ITCH: variants seen among roughly 807,000 people sequenced by gnomAD.
ITCH encodes the protein itchy E3 ubiquitin protein ligase.
ITCH carries 28 observed loss-of-function variants against 126.8 expected under a neutral mutation model. The ratio of observed to expected loss-of-function variants is 0.22; its 90% confidence interval spans 0.16 to 0.30. The LOEUF (loss-of-function observed/expected upper bound fraction) is 0.30. Ranked by LOEUF, ITCH falls within the 10% of genes least tolerant of loss-of-function variation. ITCH has a pLI of 1.00. For missense variants in ITCH, 631 were observed against 1,032.4 expected (o/e 0.61, Z 5.33); for synonymous variants, 342 against 340.0 (o/e 1.01, Z -0.06).
intron 6 of ITCH, among the ~76,000 whole-genome samples, chr20:34,417,726 T>TTTA (rs1324871629): frequency 6.1e-5 from 9 of 146,964 alleles, no homozygotes; most frequent in African/African-American, 2.0e-4. Flanking sequence ...TTTTTTTTTT[T>TTTA]AAAGGTTGAC....
chr20:34,503,864 T>TGG (rs1990428751), intron 23 of ITCH, among the ~76,000 whole-genome samples: 2 of 114,688 alleles, frequency 1.7e-5, no homozygotes, highest in Admixed American at 8.2e-5. Context: ...TTTTTTTTTT[T>TGG]TTTTGGTTTT....
At chr20:34,407,212 G>A (rs948510989) in intron 3 of ITCH, among the ~76,000 whole-genome samples, 1 of 152,100 alleles carries the variant, frequency 6.6e-6, no homozygotes, top group African/African-American at 2.4e-5. Context: ...ATCTTAGTTT[G>A]TAGTTCTTAT....
chr20:34,499,225 T>C (rs6058065), intron 23 of ITCH, among the ~76,000 whole-genome samples: 70,355 of 144,900 alleles, frequency 0.49, 17,357 homozygotes, highest in Middle Eastern at 0.52. Context: ...CCGCCCGCCT[T>C]GGACTCCCAA....
Position 34,480,738 on chromosome 20 carries a change from T to C in ITCH, c.1952+6T>C, listed in dbSNP as rs1600458826. The C allele has an allele frequency of 1.9e-6, 3 of 1,593,230 alleles. No individual in the cohort carries two copies. Among genetic ancestry groups the C allele is most frequent in the African/African-American group, 1.3e-5 (1 of 74,376 alleles). ...AATTCTCTCATCTGGGTTAAGTAAGTTTCTTTTTCCATGTAATTTATTAAA... is the reference window on the plus strand; with the variant it reads ...AATTCTCTCATCTGGGTTAAGTAAGCTTCTTTTTCCATGTAATTTATTAAA... On this transcript the variant is annotated splice_donor_region_variant and intron_variant, in intron 19 of 24. Coordinates refer to ENST00000374864, the MANE Select transcript of ITCH (RefSeq NM_031483.7).
chr20:34,490,403 G>T (rs1240694896), intron 22 of ITCH, among the ~76,000 whole-genome samples: 2 of 152,158 alleles, frequency 1.3e-5, no homozygotes, highest in Non-Finnish European at 2.9e-5. Context: ...GGGTGCGGTG[G>T]CTCACACCTG....
chr20:34,407,618 C>T (rs1978330532), intron 3 of ITCH, among the ~76,000 whole-genome samples: 1 of 152,126 alleles, frequency 6.6e-6, no homozygotes, highest in Non-Finnish European at 1.5e-5. Flanking sequence ...GCTTATCTCC[C>T]TTCATTTACC....
chr20:34,423,207 T>C (rs1981027891), intron 6 of ITCH, among the ~76,000 whole-genome samples: 1 of 152,244 alleles, frequency 6.6e-6, no homozygotes, highest in Non-Finnish European at 1.5e-5. Flanking sequence ...GTTTTTGAGG[T>C]TCATCCATGA....
chr20:34,457,909 A>G (rs1986165908), intron 13 of ITCH, among the ~76,000 whole-genome samples: 1 of 152,192 alleles, frequency 6.6e-6, no homozygotes, highest in African/African-American at 2.4e-5. Flanking sequence ...TGATTGTGCC[A>G]GTACACTCCA....
chr20:34,398,402 TTTTC>T (rs2038750563), intron 3 of ITCH, among the ~76,000 whole-genome samples: 2 of 151,598 alleles, frequency 1.3e-5, no homozygotes, highest in Admixed American at 1.3e-4. Context: ...AAAATATTCT[TTTTC>T]TTTTTTTTTT....
chr20:34,390,844 C>T (rs764788199), intron 2 of ITCH, among the ~76,000 whole-genome samples: 12 of 151,884 alleles, frequency 7.9e-5, no homozygotes, highest in South Asian at 2.1e-4. Flanking sequence ...TACTGCCTCC[C>T]GGGTTCAAGC....
intron 3 of ITCH, among the ~76,000 whole-genome samples, chr20:34,401,038 C>T (rs1053309376): frequency 1.3e-5 from 2 of 152,084 alleles, no homozygotes. Context: ...GAATTACAGG[C>T]GTGAGCCATT....
At chr20:34,423,469 G>T (rs1981070342) in intron 6 of ITCH, among the ~76,000 whole-genome samples, 1 of 152,188 alleles carries the variant, frequency 6.6e-6, no homozygotes, top group South Asian at 2.1e-4. Flanking sequence ...AGGGCCTATT[G>T]TTCCTTTACT....
chr20:34,430,245 G>A (rs1465147149), intron 7 of ITCH, among the ~76,000 whole-genome samples: 1 of 152,164 alleles, frequency 6.6e-6, no homozygotes, highest in African/African-American at 2.4e-5. Flanking sequence ...ATAGCGTTAA[G>A]TGGGACAGTT....
At chr20:34,372,474 G>A (rs370349694) in intron 2 of ITCH, among the ~76,000 whole-genome samples, 3 of 133,808 alleles carry the variant, frequency 2.2e-5, no homozygotes, top group East Asian at 2.5e-4. Context: ...TCCGCCTCTC[G>A]GGTTCAAGCA....
At chr20:34,444,634 G>A (rs1449313297) in intron 10 of ITCH, among the ~76,000 whole-genome samples, 1 of 152,006 alleles carries the variant, frequency 6.6e-6, no homozygotes, top group East Asian at 1.9e-4. Context: ...GAAAAATTGT[G>A]TGTGTGTGTT....
intron 12 of ITCH, among the ~76,000 whole-genome samples, chr20:34,454,094 T>A (rs1294330218): frequency 6.6e-6 from 1 of 152,162 alleles, no homozygotes; most frequent in Non-Finnish European, 1.5e-5. Context: ...TATCTTGCTG[T>A]TATGTTAACA....
Position 34,477,765 on chromosome 20 carries a change from T to G in ITCH, c.1570-7T>G. ...TTCACCAATTATTTTACTTTATTTT[T>G]TTTTAGATAATGAGCTTCAGTCCCC... On this transcript the variant is annotated splice_polypyrimidine_tract_variant and splice_region_variant and intron_variant, in intron 16 of 24. Coordinates refer to ENST00000374864, the MANE Select transcript of ITCH (RefSeq NM_031483.7). 6.2e-7 allele frequency: 1 copy of G among 1,613,180 alleles called. No individual in the cohort carries two copies.
At chr20:34,484,710 A>G (rs1281470397) in intron 20 of ITCH, among the ~76,000 whole-genome samples, 1 of 152,232 alleles carries the variant, frequency 6.6e-6, no homozygotes, top group Non-Finnish European at 1.5e-5. Flanking sequence ...TTTAAGAAGT[A>G]TAATTTCCTT....
chr20:34,380,024 G>C (rs1351483844), intron 2 of ITCH, among the ~76,000 whole-genome samples: 1 of 151,450 alleles, frequency 6.6e-6, no homozygotes, highest in Non-Finnish European at 1.5e-5. Flanking sequence ...AGTCTCCCGA[G>C]TAGCTGGAAC....
Sources: allele counts gnomAD v4.1 joint callset (sites outside exome capture counted in the v4.1 genomes callset), GRCh38; gene constraint gnomAD v4.1.1; transcripts MANE v1.5; gene names NCBI Gene and HGNC (gene_info 2026-07-23, HGNC 2026-07-21).